STXBP4: variants seen among roughly 807,000 people sequenced by gnomAD.
STXBP4 encodes syntaxin binding protein 4.
A neutral mutation model predicts 76.1 loss-of-function variants in STXBP4; 55 were observed. The observed-to-expected ratio is 0.72, with a 90% CI of 0.58 to 0.91. The LOEUF is 0.91. Among genes scored for constraint, STXBP4 ranks in the 40% least tolerant of loss-of-function variants. The pLI is 0.00. For synonymous variants in STXBP4, 201 were observed against 220.2 expected (o/e 0.91, Z 0.77); for missense variants, 618 against 636.9 (o/e 0.97, Z 0.32).
intron 16 of STXBP4, among the ~76,000 whole-genome samples, chr17:55,129,098 T>C (rs1331005228): frequency 6.6e-6 from 1 of 151,736 alleles, no homozygotes; most frequent in Admixed American, 6.6e-5. Flanking sequence ...CCCGGCTAAT[T>C]TTTGCATTTT....
intron 17 of STXBP4, among the ~76,000 whole-genome samples, chr17:55,149,876 C>G (rs1186186731): frequency 6.6e-6 from 1 of 152,162 alleles, no homozygotes; most frequent in Non-Finnish European, 1.5e-5. Flanking sequence ...TGGCAAAGCC[C>G]ACTAAAATAA....
rs571027016 is a variant in STXBP4 at position 55,026,105 on chromosome 17, A to C, written c.667-5063A>C. The stretch of plus-strand genomic sequence containing the variant: ...AAAACTACAAACCATCATTGAAAGA[A>C]ATTGAAGAAGACCTAAATAAATGGA... On this transcript the variant is annotated intron_variant, in intron 8 of 17. Transcript: ENST00000376352. Among the ~76,000 whole-genome samples, 6 of 152,332 alleles carry C rather than the reference A, an allele frequency of 3.9e-5. No homozygotes were observed. The East Asian group carries it at 1.2e-3, about 29-fold the overall frequency.
chr17:55,049,517 G>A (rs2078832846), intron 12 of STXBP4, among the ~76,000 whole-genome samples: 1 of 151,874 alleles, frequency 6.6e-6, no homozygotes, highest in Non-Finnish European at 1.5e-5. Flanking sequence ...ATTTAAAACT[G>A]ATATCAGATA....
chr17:55,033,776 C>T (rs1291807054), intron 9 of STXBP4, among the ~76,000 whole-genome samples: 2 of 152,146 alleles, frequency 1.3e-5, no homozygotes, highest in African/African-American at 2.4e-5. Flanking sequence ...TGCCATACAG[C>T]AGCGGTTACA....
intron 16 of STXBP4, among the ~76,000 whole-genome samples, chr17:55,112,106 G>A (rs145173000): frequency 1.3e-4 from 20 of 151,538 alleles, no homozygotes; most frequent in African/African-American, 4.8e-4. Context: ...TTTTTAAAGC[G>A]ATGGGGTCTT....
intron 12 of STXBP4, among the ~76,000 whole-genome samples, chr17:55,049,335 T>C (rs1274939368): frequency 1.3e-5 from 2 of 151,938 alleles, no homozygotes; most frequent in African/African-American, 4.8e-5. Context: ...TATTTTATTG[T>C]ACAGGTGAGA....
At chr17:55,019,288 AC>A (rs1822811264) in intron 8 of STXBP4, among the ~76,000 whole-genome samples, 1 of 151,880 alleles carries the variant, frequency 6.6e-6, no homozygotes, top group Non-Finnish European at 1.5e-5. Flanking sequence ...TTTGCATTTT[AC>A]TTTTTACCTC....
intron 8 of STXBP4, among the ~76,000 whole-genome samples, chr17:55,030,627 G>A (rs2078490701): frequency 1.3e-5 from 2 of 152,186 alleles, no homozygotes; most frequent in African/African-American, 4.8e-5. Context: ...ATACCAAAAC[G>A]AGAAAGAACT....
Position 54,990,548 on chromosome 17 carries a change from A to T in STXBP4, c.48-277A>T, listed in dbSNP as rs145748135. 2.6e-5 allele frequency among the ~76,000 whole-genome samples: 4 copies of T among 152,228 alleles called. No homozygotes were observed. The East Asian group carries it at 7.7e-4, about 29-fold the overall frequency. Reference sequence around the variant, plus strand: ...CTCCCCCTGATTCTACATTATTGTGAATTGTATAATTATTTTATTATATAT... The same window carrying T: ...CTCCCCCTGATTCTACATTATTGTGTATTGTATAATTATTTTATTATATAT... On this transcript the variant is annotated intron_variant, in intron 3 of 17. Coordinates refer to ENST00000376352, the MANE Select transcript of STXBP4 (RefSeq NM_178509.6).
intron 8 of STXBP4, among the ~76,000 whole-genome samples, chr17:55,010,889 A>T (rs1451733210): frequency 2.6e-5 from 4 of 152,220 alleles, no homozygotes; most frequent in Non-Finnish European, 5.9e-5. Flanking sequence ...TGTCTAATTA[A>T]CAAACTTTTA....
chr17:55,208,830 C>G, the STXBP4 span, among the ~76,000 whole-genome samples: 695 of 152,102 alleles, frequency 4.6e-3, 2 homozygotes, highest in African/African-American at 0.015. Context: ...GCCTGTAATT[C>G]CAGCACTTTG....
chr17:54,979,729 A>T (rs770061513), intron 1 of STXBP4, among the ~76,000 whole-genome samples: 16 of 152,200 alleles, frequency 1.1e-4, no homozygotes, highest in Non-Finnish European at 2.4e-4. Flanking sequence ...TAACATTATT[A>T]TGAAGAGACT....
At chr17:55,084,831 A>C (rs1480392205) in intron 16 of STXBP4, among the ~76,000 whole-genome samples, 2 of 152,144 alleles carry the variant, frequency 1.3e-5, no homozygotes, top group Non-Finnish European at 1.5e-5. Context: ...GTTCTGTTCC[A>C]TTGATCTATA....
intron 9 of STXBP4, among the ~76,000 whole-genome samples, 158 bp from the exon 10 acceptor site, chr17:55,034,007 CTCT>C (rs2078556516): frequency 6.6e-6 from 1 of 152,168 alleles, no homozygotes; most frequent in Non-Finnish European, 1.5e-5. Flanking sequence ...ACCAATTTGT[CTCT>C]TCTTATTTGA....
At chr17:55,053,113 A>T (rs1185383768) in intron 12 of STXBP4, among the ~76,000 whole-genome samples, 1 of 152,044 alleles carries the variant, frequency 6.6e-6, no homozygotes, top group African/African-American at 2.4e-5. Context: ...AAAGGATATT[A>T]TTGGGTCAGT....
the STXBP4 span, among the ~76,000 whole-genome samples, chr17:55,181,498 A>AT: frequency 6.6e-6 from 1 of 152,166 alleles, no homozygotes; most frequent in Non-Finnish European, 1.5e-5. Flanking sequence ...TCACCTTAAA[A>AT]TTCACAGCCC....
chr17:54,971,695 AG>A (rs2029933819), intron 1 of STXBP4, among the ~76,000 whole-genome samples: 1 of 152,174 alleles, frequency 6.6e-6, no homozygotes, highest in Non-Finnish European at 1.5e-5. Flanking sequence ...GATTTAATCC[AG>A]GATTACTCGT....
chr17:55,084,301 G>A (rs1429524566), intron 16 of STXBP4, among the ~76,000 whole-genome samples: 5 of 152,162 alleles, frequency 3.3e-5, no homozygotes, highest in Non-Finnish European at 7.4e-5. Context: ...GTCTGTTCAT[G>A]TCCTTTGCCC....
chr17:55,084,757 G>A (rs1165782762), intron 16 of STXBP4, among the ~76,000 whole-genome samples: 1 of 152,076 alleles, frequency 6.6e-6, no homozygotes, highest in Non-Finnish European at 1.5e-5. Flanking sequence ...CCCATTTCTT[G>A]TTTTTGTCAG....
Sources: allele counts gnomAD v4.1 joint callset (sites outside exome capture counted in the v4.1 genomes callset), GRCh38; gene constraint gnomAD v4.1.1; transcripts MANE v1.5; gene names NCBI Gene and HGNC (gene_info 2026-07-23, HGNC 2026-07-21).